EML2: variants seen among roughly 807,000 people sequenced by gnomAD.
The protein encoded by EML2 is echinoderm microtubule-associated protein-like 2.
A neutral mutation model predicts 84.7 loss-of-function variants in EML2; 59 were observed. The observed-to-expected ratio is 0.70, with a 90% CI of 0.56 to 0.86. The LOEUF (loss-of-function observed/expected upper bound fraction) is 0.86. Among genes scored for constraint, EML2 ranks in the 40% least tolerant of loss-of-function variants. The pLI, the probability that EML2 is intolerant of heterozygous loss-of-function variation, is 0.00. For synonymous variants in EML2, 352 were observed against 348.9 expected (o/e 1.01, Z -0.10); for missense variants, 818 against 855.6 (o/e 0.96, Z 0.55).
chr19:45,645,253 GA>G (rs1427265254), upstream of EML2: 11 of 1,532,328 alleles, frequency 7.2e-6, no homozygotes, highest in Admixed American at 1.2e-4. Context: ...GCCAAGGTCG[GA>G]ACTGAGGAGG....
chr19:45,645,187 G>A, upstream of EML2: 1 of 1,397,180 alleles, frequency 7.2e-7, no homozygotes, highest in South Asian at 1.3e-5. Context: ...GGAGGGGGTT[G>A]GGGACTTGCA....
chr19:45,638,524 G>T lies in EML2; in HGVS notation c.160C>A (p.Arg54=). ...LDTRSELPSC[R]LKLEWVYGYR... is the part of the protein sequence containing the mutation. Reference sequence around the variant, plus strand: ...GGATACACCCACTCCAGCTTGAGCCGGCAAGAAGGCAGCTCCGAGCGTGTG... The same window carrying T: ...GGATACACCCACTCCAGCTTGAGCCTGCAAGAAGGCAGCTCCGAGCGTGTG... The change falls in exon 3 of 19, where the codon CGG becomes AGG. Residue 54 remains arginine, a synonymous_variant. Transcript: ENST00000245925. The T allele has an allele frequency of 5.0e-6, 8 of 1,614,046 alleles. No homozygotes were observed. The highest frequency in any genetic ancestry group is 2.2e-5 in the South Asian group (2 of 91,078).
intron 11 of EML2, chr19:45,620,952 T>C: frequency 1.7e-6 from 1 of 597,918 alleles, no homozygotes; most frequent in Non-Finnish European, 3.1e-6. Flanking sequence ...CTCACCAACC[T>C]GAAGGGTGCC....
chr19:45,633,179 AGAG>A, intron 4 of EML2, 40 bp from the exon 5 acceptor site: 1 of 1,586,132 alleles, frequency 6.3e-7, no homozygotes, highest in Non-Finnish European at 8.6e-7. Context: ...GCTCAGTGGG[AGAG>A]AAGAGGCTCA....
At position 45,633,175 on chromosome 19, in the gene EML2, T is replaced by C. The variant is rs763954353; in HGVS notation, c.330-36A>G. 3 of 1,595,182 alleles carry C rather than the reference T, an allele frequency of 1.9e-6. No homozygotes were observed. In the African/African-American group the frequency reaches 4.0e-5, roughly 21 times the overall value. On this transcript the variant is annotated intron_variant, in intron 4 of 18. Coordinates refer to ENST00000245925, the MANE Select transcript of EML2 (RefSeq NM_012155.4). ...AAGGGACAGAGAGACCAGGGCTCAG[T>C]GGGAGAGAAGAGGCTCACAGAGACC... is the stretch of plus-strand genomic sequence containing the variant.
chr19:45,643,836 G>A, upstream of EML2: 2 of 1,332,586 alleles, frequency 1.5e-6, no homozygotes, highest in Non-Finnish European at 2.0e-6. Context: ...GACCTGCAGA[G>A]GGAGGTGGGA....
chr19:45,625,630 C>T (rs754672109), intron 8 of EML2, among the ~76,000 whole-genome samples: 22 of 152,186 alleles, frequency 1.4e-4, no homozygotes, highest in Admixed American at 1.4e-3. Flanking sequence ...CTCTCTAGGT[C>T]CCATTCCCTG....
At chr19:45,620,704 T>G (rs1971579850) in intron 11 of EML2, 1 of 184,480 alleles carries the variant, frequency 5.4e-6, no homozygotes, top group African/African-American at 2.6e-5. Flanking sequence ...CGAGACTCTG[T>G]CTCAAAAATG....
rs766022510 is a variant in EML2 at position 45,616,542 on chromosome 19, G to A, written c.1428C>T (p.Ala476=). The A allele has an allele frequency of 3.7e-6, 6 of 1,610,908 alleles. No homozygotes were observed. Among genetic ancestry groups the A allele is most frequent in the Non-Finnish European group, 5.1e-6 (6 of 1,177,930 alleles). Residue 476 remains alanine (A), a synonymous_variant, in exon 15 of 19, where the codon GCC becomes GCT. Transcript: ENST00000245925. ...ACACCAAGTTGTCGTGGGAGCCCAC[G>A]GCCAGGTACGCCCCGTCTGGGGGAG... The part of the protein sequence containing the change: ...VSFSPDGAYL[A]VGSHDNLVYV...
chr19:45,623,026 G>A (rs1217003535), intron 9 of EML2, among the ~76,000 whole-genome samples: 1 of 147,238 alleles, frequency 6.8e-6, no homozygotes, highest in Admixed American at 6.9e-5. Flanking sequence ...CAGCATGGGC[G>A]ACAGAGCGAG....
rs945016487 is a variant in EML2 at position 45,616,826 on chromosome 19, A to T, written c.1350T>A (p.His450Gln). The T allele has an allele frequency of 5.6e-6, 9 of 1,613,146 alleles. 1 individual carries two copies. Among genetic ancestry groups the T allele is most frequent in the Non-Finnish European group, 7.6e-6 (9 of 1,179,902 alleles). ...GRWLLLDTET[H>Q]DLVAIHTDGN... is the part of the protein sequence containing the mutation. ...CGTCTGTGTGGATAGCCACCAGGTC[A>T]TGGGTCTCCGTGTCCAGCAGCAGCC... Residue 450 changes from histidine to glutamine, a missense_variant, in exon 14 of 19, where the codon CAT becomes CAA. Physicochemically the swap from His to Gln is conservative, Grantham distance 24. Transcript: ENST00000245925.
Position 45,633,075 on chromosome 19 carries a change from C to A in EML2, c.394G>T (p.Gly132Trp). ...TTTCCCCTCCCTTCCATTACCTTCC[C>A]TTCCTTAGTGGTTCCCGCCACCTGT... Reference protein sequence around the residue: ...TGQVAGTTKEGKPLPPHVRIW... With the variant: ...TGQVAGTTKEWKPLPPHVRIW... The change falls in exon 5 of 19, where the codon GGG becomes TGG. Residue 132 changes from glycine to tryptophan, a missense_variant. Transcript: ENST00000245925. 6.3e-7 allele frequency: 1 copy of A among 1,591,928 alleles called. No individual in the cohort carries two copies.
chr19:45,639,178 GC>G, intron 1 of EML2, 178 bp downstream of exon 1: 3 of 716,796 alleles, frequency 4.2e-6, no homozygotes, highest in Non-Finnish European at 4.4e-6. Flanking sequence ...GCTCCCCAGC[GC>G]CCCCCACCCG....
At chr19:45,609,855 T>C in intron 18 of EML2, 67 bp from the exon 19 acceptor site, 3 of 1,567,004 alleles carry the variant, frequency 1.9e-6, no homozygotes, top group Non-Finnish European at 2.6e-6. Context: ...CATGGTCCTC[T>C]TGTCTTGACC....
At chr19:45,629,397 C>G (rs187582461) in intron 7 of EML2, among the ~76,000 whole-genome samples, 341 of 152,168 alleles carry the variant, frequency 2.2e-3, no homozygotes, top group Admixed American at 3.5e-3. Flanking sequence ...GTGATCTTGG[C>G]TCACCGCAAC....
intron 9 of EML2, chr19:45,623,511 A>G (rs1378918008): frequency 6.6e-6 from 1 of 151,986 alleles, no homozygotes; most frequent in Non-Finnish European, 1.5e-5. Context: ...CCTGGGCGCT[A>G]GAGTGAGACC....
At chr19:45,621,000 G>A (rs2122659015) in intron 11 of EML2, 2 of 719,476 alleles carry the variant, frequency 2.8e-6, no homozygotes, top group Admixed American at 4.1e-5. Context: ...CACAGTTGGA[G>A]CAGGGGCCTG....
chr19:45,630,091 G>C (rs1972843828), intron 6 of EML2, 45 bp from the exon 7 acceptor site: 2 of 1,442,958 alleles, frequency 1.4e-6, no homozygotes, highest in Non-Finnish European at 1.9e-6. Context: ...AGGGGAGTCA[G>C]GGCCCATCCT....
At chr19:45,620,957 G>A in intron 11 of EML2, 1 of 612,948 alleles carries the variant, frequency 1.6e-6, no homozygotes, top group Non-Finnish European at 3.0e-6. Context: ...CAACCTGAAG[G>A]GTGCCACCCC....
Sources: gnomAD v4.1 joint callset for allele counts (sites outside exome capture counted in the v4.1 genomes callset) on GRCh38, gnomAD v4.1.1 for gene constraint, MANE v1.5 for transcripts, NCBI Gene and HGNC (gene_info 2026-07-23, HGNC 2026-07-21) for gene names.